The following LRRC4C variants were observed in gnomAD, a reference collection of about 807,000 sequenced individuals.
The protein encoded by LRRC4C is leucine rich repeat containing 4C.
A neutral mutation model predicts 33.6 loss-of-function variants in LRRC4C; 5 were observed. The observed-to-expected ratio is 0.15, with a 90% CI of 0.08 to 0.31. LRRC4C has a LOEUF of 0.31. Among genes scored for constraint, LRRC4C ranks in the 10% least tolerant of loss-of-function variants. The pLI, the probability that LRRC4C is intolerant of heterozygous loss-of-function variation, is 1.00. For missense variants in LRRC4C, 560 were observed against 796.7 expected, an observed-to-expected ratio of 0.70 and a Z score of 3.58; for synonymous variants, 329 against 302.0, an observed-to-expected ratio of 1.09 and a Z score of -0.93.
chr11:40,432,855 A>G (rs1264890827), intron 3 of LRRC4C, among the ~76,000 whole-genome samples: 1 of 152,208 alleles, frequency 6.6e-6, no homozygotes, highest in African/African-American at 2.4e-5. Flanking sequence ...TTAGAGAGTT[A>G]TTATTTTCCC....
intron 2 of LRRC4C, among the ~76,000 whole-genome samples, chr11:40,729,708 T>C (rs1366357417): frequency 6.6e-6 from 1 of 152,162 alleles, no homozygotes; most frequent in Non-Finnish European, 1.5e-5. Flanking sequence ...TCTCACCACC[T>C]CTGAGAATCC....
At chr11:41,024,057 A>G (rs1286464345) in intron 1 of LRRC4C, among the ~76,000 whole-genome samples, 3 of 151,492 alleles carry the variant, frequency 2.0e-5, no homozygotes, top group Non-Finnish European at 4.4e-5. Context: ...ATAATTCAGT[A>G]TTTTGCTTGT....
At chr11:40,700,125 A>G (rs1370465637) in intron 2 of LRRC4C, among the ~76,000 whole-genome samples, 1 of 152,108 alleles carries the variant, frequency 6.6e-6, no homozygotes, top group African/African-American at 2.4e-5. Context: ...AACGTCTTAG[A>G]TGACTGAAGA....
At chr11:40,362,776 A>T (rs1948017934) in intron 3 of LRRC4C, among the ~76,000 whole-genome samples, 1 of 152,220 alleles carries the variant, frequency 6.6e-6, no homozygotes, top group African/African-American at 2.4e-5. Flanking sequence ...GACGCTTCTC[A>T]AAAGCAGACA....
chr11:41,377,084 T>A (rs1012380443), intron 1 of LRRC4C, among the ~76,000 whole-genome samples: 5 of 152,222 alleles, frequency 3.3e-5, no homozygotes, highest in African/African-American at 1.2e-4. Context: ...TATGCAGTTA[T>A]CCAGGGAATC....
At position 41,090,316 on chromosome 11, in the gene LRRC4C, C is replaced by A. The variant is rs1050735575; in HGVS notation, c.-495-156593G>T. On this transcript the variant is annotated intron_variant, in intron 1 of 6. Coordinates refer to ENST00000528697, the MANE Select transcript of LRRC4C (RefSeq NM_001258419.2). ...ACATCATGGTGTTCACATCTCACAG[C>A]GTTTATTTCTTGGGTAAATGTAAGA... 4.6e-5 allele frequency among the ~76,000 whole-genome samples: 7 copies of A among 151,700 alleles called. No individual in the cohort carries two copies. The East Asian group carries it at 1.4e-3, about 29-fold the overall frequency.
chr11:41,411,082 T>C (rs1355106077), intron 1 of LRRC4C, among the ~76,000 whole-genome samples: 8 of 151,096 alleles, frequency 5.3e-5, no homozygotes, highest in Non-Finnish European at 1.2e-4. Context: ...ATCTAGATGG[T>C]TTCCGCATTG....
chr11:40,949,408 T>A (rs952914485), intron 1 of LRRC4C, among the ~76,000 whole-genome samples: 9 of 152,086 alleles, frequency 5.9e-5, no homozygotes, highest in African/African-American at 2.2e-4. Context: ...CCAAGACACA[T>A]AATTGTCAGA....
At chr11:41,144,525 A>C (rs550645688) in intron 1 of LRRC4C, among the ~76,000 whole-genome samples, 2 of 152,256 alleles carry the variant, frequency 1.3e-5, no homozygotes, top group South Asian at 2.1e-4. Flanking sequence ...TTTGTTGCTT[A>C]TCTCTCAAGG....
intron 1 of LRRC4C, among the ~76,000 whole-genome samples, chr11:40,994,809 T>G (rs1402510300): frequency 2.8e-5 from 2 of 70,814 alleles, no homozygotes; most frequent in African/African-American, 4.7e-5. Context: ...TCTCTCTCTA[T>G]TTATACTTTT....
intron 5 of LRRC4C, among the ~76,000 whole-genome samples, chr11:40,159,552 C>T (rs10768581): frequency 0.28 from 42,900 of 152,010 alleles, 6,812 homozygotes; most frequent in Non-Finnish European, 0.36. Context: ...TAAGGGAGGA[C>T]GAGCTAGAAA....
intron 1 of LRRC4C, among the ~76,000 whole-genome samples, chr11:41,195,028 A>C (rs548672940): frequency 6.6e-6 from 1 of 152,036 alleles, no homozygotes; most frequent in African/African-American, 2.4e-5. Context: ...AAAAAAAAAA[A>C]CTGATGCTTT....
intron 1 of LRRC4C, among the ~76,000 whole-genome samples, chr11:41,452,568 C>T (rs1017664255): frequency 2.0e-5 from 3 of 152,044 alleles, no homozygotes; most frequent in Middle Eastern, 3.2e-3. Flanking sequence ...CTCTTGTTTA[C>T]AGCCAAGCAA....
At chr11:40,941,250 A>T (rs1486181422) in intron 1 of LRRC4C, among the ~76,000 whole-genome samples, 1 of 152,180 alleles carries the variant, frequency 6.6e-6, no homozygotes, top group Non-Finnish European at 1.5e-5. Flanking sequence ...ACAGGTTTGT[A>T]ATGGCTTTAC....
intron 1 of LRRC4C, among the ~76,000 whole-genome samples, chr11:41,417,397 T>C (rs1466061365): frequency 6.6e-6 from 1 of 152,040 alleles, no homozygotes; most frequent in Non-Finnish European, 1.5e-5. Context: ...ACTTTTCTTT[T>C]ATAATCCTAG....
At chr11:40,798,391 AG>A (rs1950914341) in intron 2 of LRRC4C, among the ~76,000 whole-genome samples, 1 of 152,164 alleles carries the variant, frequency 6.6e-6, no homozygotes, top group African/African-American at 2.4e-5. Flanking sequence ...TTTTGGCCAT[AG>A]GGGAAGCTTG....
intron 2 of LRRC4C, among the ~76,000 whole-genome samples, chr11:40,879,176 A>T (rs1955052232): frequency 6.6e-6 from 1 of 152,184 alleles, no homozygotes; most frequent in African/African-American, 2.4e-5. Context: ...TTTCCATCTG[A>T]AAAGGTATTT....
chr11:40,391,794 T>A (rs984414731), intron 3 of LRRC4C, among the ~76,000 whole-genome samples: 1 of 151,906 alleles, frequency 6.6e-6, no homozygotes, highest in African/African-American at 2.4e-5. Flanking sequence ...GAAAAAAAAA[T>A]ATTTACCCAA....
chr11:40,864,723 ATAAT>A (rs1316120512), intron 2 of LRRC4C, among the ~76,000 whole-genome samples: 4 of 152,206 alleles, frequency 2.6e-5, no homozygotes, highest in Non-Finnish European at 5.9e-5. Flanking sequence ...GAAGAAGCTA[ATAAT>A]TAATCTGCAC....
Sources: gnomAD v4.1 joint callset for allele counts (sites outside exome capture counted in the v4.1 genomes callset) on GRCh38, gnomAD v4.1.1 for gene constraint, MANE v1.5 for transcripts, NCBI Gene and HGNC (gene_info 2026-07-23, HGNC 2026-07-21) for gene names.